The following VWCE variants were observed in gnomAD, a reference collection of about 807,000 sequenced individuals.
VWCE encodes von Willebrand factor C and EGF domains, also known as von Willebrand factor C and EGF domain-containing protein.
Under a neutral mutation model 102.9 loss-of-function variants are expected in VWCE, and 68 were observed. The ratio of observed to expected loss-of-function variants is 0.66; its 90% CI spans 0.54 to 0.81. The LOEUF (loss-of-function observed/expected upper bound fraction) is 0.81, where lower values mean the gene tolerates loss of function less well. Ranked by LOEUF, VWCE falls within the 30% of genes least tolerant of loss-of-function variation. VWCE has a pLI of 0.00. For missense variants in VWCE, 1,137 were observed against 1,263.6 expected, an observed-to-expected ratio of 0.90 and a Z score of 1.52; for synonymous variants, 497 against 515.4, an observed-to-expected ratio of 0.96 and a Z score of 0.48.
At chr11:61,261,518 C>T (rs954383144) in intron 19 of VWCE, among the ~76,000 whole-genome samples, 9 of 151,112 alleles carry the variant, frequency 6.0e-5, no homozygotes, top group African/African-American at 1.5e-4. Context: ...CAAGGCGGGA[C>T]GATTGCTTGA....
In VWCE at chr11:61,290,882, T is replaced by C. The variant is rs1279735950; in HGVS notation, c.341A>G (p.Asn114Ser). The C allele has an allele frequency of 6.2e-7, 1 of 1,613,622 alleles. No individual in the cohort carries two copies. The highest frequency in any genetic ancestry group is 2.2e-5 in the East Asian group (1 of 44,854). The change falls in exon 4 of 20, where the codon AAC becomes AGC. Residue 114 changes from asparagine (N) to serine (S), a missense_variant. Asn to Ser is a conservative substitution (Grantham distance 46). Around this residue, in one of 5 missense-constraint regions of VWCE, gnomAD observed 575 missense variants for 625.9 expected, o/e 0.92. Coordinates refer to ENST00000335613, the MANE Select transcript of VWCE (RefSeq NM_152718.2). The part of the protein sequence containing the change: ...CGEYGCDLTC[N>S]HGGCQEVARV... ...GGCCACCTCCTGACAGCCTCCATGG[T>C]TGCAGGTAAGGTCACAGCCGTACTC... is the stretch of plus-strand genomic sequence containing the variant.
Position 61,258,836 on chromosome 11 carries a change from T to G in VWCE, c.2707A>C (p.Met903Leu). The change falls in exon 20 of 20, where the codon ATG becomes CTG. Residue 903 changes from methionine to leucine, a missense_variant. This residue lies in a region of VWCE where 316 missense variants were observed against 319.3 expected (regional missense o/e 0.99). Transcript: ENST00000335613. ...GTCTTCGAGGGGCTGGGGTCCATCATGGAAAGTGCTGAAGCTTCCGTCAGG... is the reference window on the plus strand; with the variant it reads ...GTCTTCGAGGGGCTGGGGTCCATCAGGGAAAGTGCTGAAGCTTCCGTCAGG... ...TLLTEASALSMMDPSPSKTPI... is the reference protein window; with the variant it reads ...TLLTEASALSLMDPSPSKTPI... The G allele has an allele frequency of 6.6e-7, 1 of 1,514,274 alleles. No individual in the cohort carries two copies. Among genetic ancestry groups the G allele is most frequent in the Non-Finnish European group, 8.8e-7 (1 of 1,133,678 alleles). The allele number at this position is 1,514,274 out of a possible 1,614,324, so 93.8% of individuals were successfully genotyped here. A position where few individuals can be genotyped will look rare whatever the true frequency, so the allele number is the denominator to read the frequency against.
At position 61,259,206 on chromosome 11, in the gene VWCE, G is replaced by T; in HGVS notation, c.2337C>A (p.Asn779Lys). 6.2e-7 allele frequency: 1 copy of T among 1,614,198 alleles called. No homozygotes were observed. Among genetic ancestry groups the T allele is most frequent in the Non-Finnish European group, 8.5e-7 (1 of 1,180,022 alleles). ...TCGGGGGCCCAGGACAGGAGCTACA[G>T]TTGACAGGGGCCTCAGTGTCTCCAT... The part of the protein sequence containing the change: ...SLHGDTEAPV[N>K]CSSCPGPPTA... Residue 779 changes from asparagine (N) to lysine (K), a missense_variant, in exon 20 of 20, where the codon AAC becomes AAA. Physicochemically the swap from Asn to Lys is moderately conservative, Grantham distance 94. Coordinates refer to ENST00000335613, the MANE Select transcript of VWCE (RefSeq NM_152718.2).
intron 14 of VWCE, among the ~76,000 whole-genome samples, chr11:61,269,728 G>A (rs936120491): frequency 2.0e-5 from 3 of 151,822 alleles, no homozygotes; most frequent in Non-Finnish European, 4.4e-5. Flanking sequence ...TTACAGGTGT[G>A]AGCCACCGCA....
At position 61,295,105 on chromosome 11, in the gene VWCE, G is replaced by A. The variant is rs1855635282; in HGVS notation, c.-68C>T. The A allele has an allele frequency of 3.9e-6, 4 of 1,033,434 alleles. No individual in the cohort carries two copies. 64.0% of individuals were successfully genotyped at this position (1,033,434 alleles called of 1,614,324 possible). On this transcript the variant is annotated 5_prime_UTR_variant, in exon 1 of 20. Coordinates refer to ENST00000335613, the MANE Select transcript of VWCE (RefSeq NM_152718.2). The surrounding 1 kb of genome is among the most constrained non-coding windows in gnomAD (Gnocchi z 4.6). Reference sequence around the variant, plus strand: ...GCCGCGCGCGGGAGAGGGGGCTGCCGGCCCTCGCCCCTCCTCCTGGCGCCG... The same window carrying A: ...GCCGCGCGCGGGAGAGGGGGCTGCCAGCCCTCGCCCCTCCTCCTGGCGCCG...
intron 2 of VWCE, 27 bp from the exon 3 acceptor site, chr11:61,291,380 C>G (rs535061141): frequency 2.5e-6 from 4 of 1,605,268 alleles, no homozygotes; most frequent in South Asian, 1.1e-5. Context: ...AGGTGAGACA[C>G]GAGGAACTGG....
intron 4 of VWCE, among the ~76,000 whole-genome samples, chr11:61,290,498 T>C (rs1590660049): frequency 8.1e-6 from 1 of 123,346 alleles, no homozygotes; most frequent in Non-Finnish European, 1.6e-5. Context: ...GGCAAAAGAG[T>C]GAAACTTCGT....
At chr11:61,287,816 G>A (rs115252696) in intron 4 of VWCE, among the ~76,000 whole-genome samples, 1,946 of 152,214 alleles carry the variant, frequency 0.013, 51 homozygotes, top group African/African-American at 0.045. Context: ...GCTGAAGCTT[G>A]GGTTCCTTTT....
intron 14 of VWCE, chr11:61,269,257 G>C (rs1226620199): frequency 1.9e-6 from 1 of 517,402 alleles, no homozygotes; most frequent in Admixed American, 3.2e-5. Flanking sequence ...TTGGGATTCT[G>C]GTCTCCTCCG....
rs1007095036 is a variant in VWCE at position 61,294,286 on chromosome 11, C to A, written c.110+642G>T. 6.6e-6 allele frequency among the ~76,000 whole-genome samples: 1 copy of A among 152,158 alleles called. No homozygotes were observed. Among genetic ancestry groups the A allele is most frequent in the Non-Finnish European group, 1.5e-5 (1 of 68,020 alleles). On this transcript the variant is annotated intron_variant, in intron 1 of 19. Coordinates refer to ENST00000335613, the MANE Select transcript of VWCE (RefSeq NM_152718.2). The surrounding 1 kb of genome is among the most constrained non-coding windows in gnomAD (Gnocchi z 6.3). ...CTGCGCGCCCCCCGGAGGACGTGGC[C>A]GCGGGCCAGGCCGCCTGCTGACACA...
Position 61,286,383 on chromosome 11 carries a change from TG to T in VWCE, c.471del (p.Asn157LysfsTer30). On this transcript the variant is annotated frameshift_variant, in exon 5 of 20. Transcript: ENST00000335613. LOFTEE classifies it high-confidence loss of function. The part of the protein sequence containing the change: ...VTSSCEGHCV[N>X]TEGGFVCECG... ...CACTCGCACACAAACCCACCTTCTG[TG>T]TTCACACAGTGGCCCTCGCAGGAGG... The T allele has an allele frequency of 6.2e-7, 1 of 1,612,908 alleles. No homozygotes were observed. The highest frequency in any genetic ancestry group is 8.5e-7 in the Non-Finnish European group (1 of 1,180,034).
chr11:61,278,749 CA>C (rs939572699), intron 9 of VWCE, among the ~76,000 whole-genome samples: 6 of 152,164 alleles, frequency 3.9e-5, no homozygotes, highest in Non-Finnish European at 7.4e-5. Context: ...AGCCTGGTTT[CA>C]AAACCTGAGG....
chr11:61,273,873 G>C (rs1427786554), intron 12 of VWCE: 5 of 155,468 alleles, frequency 3.2e-5, no homozygotes, highest in African/African-American at 1.2e-4. Context: ...ACTGCCCAGA[G>C]CTTCCCAGGG....
intron 16 of VWCE, among the ~76,000 whole-genome samples, chr11:61,267,078 C>G (rs141634793): frequency 6.6e-6 from 1 of 152,086 alleles, no homozygotes; most frequent in Non-Finnish European, 1.5e-5. Flanking sequence ...GCCAACATGG[C>G]GAAATCCCGT....
At chr11:61,266,023 C>T (rs60802278) in intron 16 of VWCE, among the ~76,000 whole-genome samples, 6,246 of 149,738 alleles carry the variant, frequency 0.042, 380 homozygotes, top group African/African-American at 0.13. Context: ...TCCAGCCTGG[C>T]GACAGAGTGA....
intron 16 of VWCE, among the ~76,000 whole-genome samples, chr11:61,267,028 T>C (rs997504987): frequency 1.3e-5 from 2 of 152,068 alleles, no homozygotes; most frequent in African/African-American, 4.8e-5. Context: ...GAGGCTGAGG[T>C]GGGCAGATCA....
chr11:61,264,753 C>G, intron 18 of VWCE, among the ~76,000 whole-genome samples, 176 bp from the exon 19 acceptor site: 1 of 152,234 alleles, frequency 6.6e-6, no homozygotes, highest in East Asian at 1.9e-4. Context: ...GCAGGACCCC[C>G]TTTGGGAAAC....
At chr11:61,291,024 T>A in intron 3 of VWCE, 97 bp from the exon 4 acceptor site, 3 of 1,515,798 alleles carry the variant, frequency 2.0e-6, no homozygotes, top group Non-Finnish European at 2.7e-6. Context: ...GGAGGGTAGC[T>A]CTGAAGGCAA....
chr11:61,267,214 C>T (rs1464770008), intron 16 of VWCE, among the ~76,000 whole-genome samples: 2 of 152,142 alleles, frequency 1.3e-5, no homozygotes, highest in Non-Finnish European at 2.9e-5. Context: ...GCCAAGATCA[C>T]ACCACTGCAC....
Sources: allele counts gnomAD v4.1 joint callset (sites outside exome capture counted in the v4.1 genomes callset), GRCh38; gene constraint gnomAD v4.1.1; regional missense constraint gnomAD v4.1.1; non-coding constraint Gnocchi (gnomAD v3.1); transcripts MANE v1.5; gene names NCBI Gene and HGNC (gene_info 2026-07-23, HGNC 2026-07-21).